SYCP1: variants seen among roughly 807,000 people sequenced by gnomAD.
SYCP1 encodes the protein cancer/testis antigen 8.
Under a neutral mutation model 153.1 loss-of-function variants are expected in SYCP1, and 64 were observed. The ratio of observed to expected loss-of-function variants is 0.42; its 90% CI spans 0.34 to 0.51. The LOEUF (loss-of-function observed/expected upper bound fraction) is 0.51. Among genes scored for constraint, SYCP1 ranks in the 20% least tolerant of loss-of-function variants. The pLI is 0.06. For missense variants in SYCP1, 997 were observed against 1,049.0 expected, an observed-to-expected ratio of 0.95 and a Z score of 0.68; for synonymous variants, 384 against 341.8, an observed-to-expected ratio of 1.12 and a Z score of -1.36.
intron 16 of SYCP1, among the ~76,000 whole-genome samples, chr1:114,905,655 G>T (rs1667761303): frequency 6.6e-6 from 1 of 151,772 alleles, no homozygotes; most frequent in Admixed American, 6.6e-5. Context: ...GTGTAAAATT[G>T]GTATAATTTC....
intron 13 of SYCP1, 79 bp from the exon 14 acceptor site, chr1:114,886,046 G>A: frequency 2.2e-6 from 2 of 916,906 alleles, no homozygotes; most frequent in East Asian, 5.3e-5. Context: ...GGCAGTGAAT[G>A]TATAGAAGCA....
chr1:114,953,732 C>A (rs1468651859), intron 27 of SYCP1, among the ~76,000 whole-genome samples: 1 of 152,060 alleles, frequency 6.6e-6, no homozygotes, highest in East Asian at 1.9e-4. Context: ...AATGATTCTC[C>A]TACTTTATTT....
At chr1:114,881,056 T>TATATATAC (rs375436670) in intron 12 of SYCP1, among the ~76,000 whole-genome samples, 111 of 145,038 alleles carry the variant, frequency 7.7e-4, no homozygotes, top group African/African-American at 1.9e-3. Flanking sequence ...TTTGTGTATA[T>TATATATAC]ACACACACAC....
At chr1:114,900,882 C>T (rs1311298941) in intron 16 of SYCP1, among the ~76,000 whole-genome samples, 1 of 152,206 alleles carries the variant, frequency 6.6e-6, no homozygotes, top group Non-Finnish European at 1.5e-5. Flanking sequence ...ATCTGACCTG[C>T]ATAATTTAGT....
intron 15 of SYCP1, among the ~76,000 whole-genome samples, chr1:114,893,769 G>T (rs948042324): frequency 1.3e-5 from 2 of 152,116 alleles, no homozygotes; most frequent in Non-Finnish European, 2.9e-5. Context: ...TTGCTGTGGG[G>T]AAAGGTGGGC....
At chr1:114,893,136 G>T (rs890978950) in intron 15 of SYCP1, among the ~76,000 whole-genome samples, 3 of 152,188 alleles carry the variant, frequency 2.0e-5, no homozygotes, top group Non-Finnish European at 4.4e-5. Context: ...GTTATTCTTT[G>T]TGGAGGAGGT....
chr1:114,915,195 C>T (rs1017465104), intron 20 of SYCP1, among the ~76,000 whole-genome samples: 5 of 152,134 alleles, frequency 3.3e-5, no homozygotes, highest in Admixed American at 2.6e-4. Context: ...ACTCAGGTAG[C>T]AGCATCAATG....
In SYCP1 at chr1:114,984,754, A is replaced by G. The variant is rs1673387659; in HGVS notation, c.2589A>G (p.Pro863=). 4 of 1,493,878 alleles carry G rather than the reference A, an allele frequency of 2.7e-6. No homozygotes were observed. Among genetic ancestry groups the G allele is most frequent in the Non-Finnish European group, 3.6e-6 (4 of 1,126,720 alleles). 92.5% of individuals were successfully genotyped at this position (1,493,878 alleles called of 1,614,324 possible). The part of the protein sequence containing the change: ...KAYTVKTPTK[P]KLQQRENLNI... Reference sequence around the variant, plus strand: ...ATACAGTGAAGACACCAACAAAACCAAAACTACAGCAAAGAGAAAACTTGA... The same window carrying G: ...ATACAGTGAAGACACCAACAAAACCGAAACTACAGCAAAGAGAAAACTTGA... Residue 863 remains proline, a synonymous_variant, in exon 30 of 32, where the codon CCA becomes CCG. Coordinates refer to ENST00000369522, the MANE Select transcript of SYCP1 (RefSeq NM_003176.4).
intron 20 of SYCP1, among the ~76,000 whole-genome samples, chr1:114,921,888 T>C (rs1668912493): frequency 6.6e-6 from 1 of 152,136 alleles, no homozygotes; most frequent in Non-Finnish European, 1.5e-5. Context: ...CTCCTTCATG[T>C]TTGAAGGATA....
chr1:114,924,947 T>A (rs1011688969), intron 21 of SYCP1, among the ~76,000 whole-genome samples: 11 of 152,134 alleles, frequency 7.2e-5, no homozygotes, highest in Admixed American at 6.6e-4. Flanking sequence ...GGTACCATTT[T>A]AAAGGGCTTA....
At chr1:114,982,638 A>C (rs917467788) in intron 29 of SYCP1, among the ~76,000 whole-genome samples, 1 of 151,598 alleles carries the variant, frequency 6.6e-6, no homozygotes, top group African/African-American at 2.4e-5. Context: ...CATTTCTTTG[A>C]CATAATTTTC....
intron 30 of SYCP1, among the ~76,000 whole-genome samples, chr1:114,991,099 A>G (rs1415383071): frequency 6.6e-6 from 1 of 151,964 alleles, no homozygotes; most frequent in East Asian, 1.9e-4. Flanking sequence ...CATCTGGCAC[A>G]GGGCAAATGA....
intron 27 of SYCP1, among the ~76,000 whole-genome samples, chr1:114,971,305 G>A (rs1220110286): frequency 1.3e-5 from 2 of 152,104 alleles, no homozygotes; most frequent in African/African-American, 2.4e-5. Flanking sequence ...TGGGGTAGTG[G>A]TTCTCAGGCC....
rs372817881 is a variant in SYCP1, at chr1:114,873,286, G to A, written c.599-1220G>A. Among the ~76,000 whole-genome samples the A allele has an allele frequency of 1.2e-4, 19 of 152,232 alleles. No homozygotes were observed. In the East Asian group the frequency reaches 1.4e-3, roughly 11 times the overall value. On this transcript the variant is annotated intron_variant, in intron 8 of 31. Transcript: ENST00000369522. ...TGTAATGTGCTGGTAAAGTATAGGG[G>A]GAGGAGTATTCTATAGACCTATGGT...
intron 21 of SYCP1, among the ~76,000 whole-genome samples, chr1:114,924,998 C>T (rs567614328): frequency 6.6e-6 from 1 of 152,204 alleles, no homozygotes; most frequent in South Asian, 2.1e-4. Flanking sequence ...TATGTATTAT[C>T]TTACTTAACT....
intron 16 of SYCP1, among the ~76,000 whole-genome samples, chr1:114,905,428 C>T (rs769208050): frequency 4.6e-5 from 7 of 152,116 alleles, no homozygotes; most frequent in Non-Finnish European, 7.4e-5. Flanking sequence ...AGGAGGGGTA[C>T]ATGTGCTTCA....
intron 14 of SYCP1, 83 bp downstream of exon 14, chr1:114,886,392 T>C: frequency 8.3e-7 from 1 of 1,210,128 alleles, no homozygotes; most frequent in Non-Finnish European, 1.1e-6. Flanking sequence ...TTTCTTTGCA[T>C]TGCCAACTGA....
chr1:114,902,417 G>A (rs1331248363), intron 16 of SYCP1, among the ~76,000 whole-genome samples: 2 of 152,160 alleles, frequency 1.3e-5, no homozygotes, highest in East Asian at 1.9e-4. Context: ...CACTTTAAAG[G>A]GTGAGTAGGG....
At chr1:114,876,205 G>T (rs74438665) in intron 10 of SYCP1, 67 bp downstream of exon 10, 2 of 1,086,822 alleles carry the variant, frequency 1.8e-6, no homozygotes, top group Non-Finnish European at 2.6e-6. Context: ...ATCAGATTCC[G>T]TTAATGTCTT....
Sources: gnomAD v4.1 joint callset for allele counts (sites outside exome capture counted in the v4.1 genomes callset) on GRCh38, gnomAD v4.1.1 for gene constraint, MANE v1.5 for transcripts, NCBI Gene and HGNC (gene_info 2026-07-23, HGNC 2026-07-21) for gene names.